Variants in SHISA7 observed in about 807,000 individuals in gnomAD.
SHISA7 encodes protein shisa-7.
In SHISA7, 6 loss-of-function variants were observed where a neutral mutation model predicts 23.9. That is an observed-to-expected ratio of 0.25 (90% CI 0.14 to 0.50). The LOEUF (loss-of-function observed/expected upper bound fraction) is 0.50. SHISA7 is among the 20% of genes least tolerant of loss of function. The pLI is 0.98. For synonymous variants in SHISA7, 386 were observed against 398.3 expected (o/e 0.97, Z 0.37); for missense variants, 671 against 801.1 (o/e 0.84, Z 1.96).
chr19:55,438,002 T>C (rs530279915), intron 2 of SHISA7, among the ~76,000 whole-genome samples: 763 of 59,774 alleles, frequency 0.013, 8 homozygotes, highest in Middle Eastern at 0.12. Context: ...CGTCCAGGCC[T>C]GCAGCCCCTC....
Position 55,442,776 on chromosome 19 carries a change from C to G in SHISA7, c.88G>C (p.Ala30Pro). The change falls in exon 1 of 4, where the codon GCG (alanine) becomes CCG (proline). Residue 30 changes from alanine (A) to proline (P), a missense_variant. This residue lies in a region of SHISA7 where 96 missense variants were observed against 113.1 expected (regional missense o/e 0.85). Transcript: ENST00000376325. The stretch of plus-strand genomic sequence containing the variant: ...GCCAGCAGGGCGGGCAGCGGGCCCG[C>G]GGGCTCGGCGCTCGTGGCGTTGGAC... ...RPSNATSAEP[A>P]GPLPALLAHL... 8.2e-7 allele frequency: 1 copy of G among 1,225,470 alleles called. No individual in the cohort carries two copies. Among genetic ancestry groups the G allele is most frequent in the Non-Finnish European group, 1.0e-6 (1 of 983,098 alleles). The allele number at this position is 1,225,470 out of a possible 1,614,324, so 75.9% of individuals were successfully genotyped here.
chr19:55,431,379 A>C lies in SHISA7; in HGVS notation c.*1777T>G, dbSNP rs1223122945. ...CTGGAAGGTAATGTCATCACTGGTCATGGTGGAATCTAGGAGATGATGACA... is the reference window on the plus strand; with the variant it reads ...CTGGAAGGTAATGTCATCACTGGTCCTGGTGGAATCTAGGAGATGATGACA... On this transcript the variant is annotated 3_prime_UTR_variant, in exon 4 of 4. Coordinates refer to ENST00000376325, the MANE Select transcript of SHISA7 (RefSeq NM_001145176.2). 1 of 151,952 alleles carries C rather than the reference A, an allele frequency of 6.6e-6. No homozygotes were observed. The highest frequency in any genetic ancestry group is 2.4e-5 in the African/African-American group (1 of 41,318). 9.4% of individuals were successfully genotyped at this position (151,952 alleles called of 1,614,324 possible).
At position 55,437,590 on chromosome 19, in the gene SHISA7, C is replaced by T; in HGVS notation, c.976+15G>A. On this transcript the variant is annotated intron_variant, in intron 3 of 3. Transcript: ENST00000376325. ...CCCTCCCCTTCACCGCCGCGCTGCC[C>T]TTGCCAGGACTCACCCAGCCTCTTG... The T allele has an allele frequency of 1.3e-6, 2 of 1,549,824 alleles. No homozygotes were observed. The highest frequency in any genetic ancestry group is 1.7e-6 in the Non-Finnish European group (2 of 1,146,012).
intron 3 of SHISA7, among the ~76,000 whole-genome samples, chr19:55,435,049 GTGGTGTGTGTGTAGTGTGTA>G (rs1985392806): frequency 1.3e-5 from 1 of 74,554 alleles, no homozygotes; most frequent in African/African-American, 5.2e-5. Flanking sequence ...TGGTGTGTGT[GTGGTGTGTGTGTAGTGTGTA>G]TGGTGTGTGT....
intron 2 of SHISA7, chr19:55,438,546 G>A (rs1227686714): frequency 7.7e-7 from 1 of 1,304,214 alleles, no homozygotes; most frequent in South Asian, 1.2e-5. Flanking sequence ...TCCGCAGCCG[G>A]GCCCTCTTCC....
intron 2 of SHISA7, chr19:55,438,466 C>T: frequency 8.8e-7 from 1 of 1,142,520 alleles, no homozygotes. Flanking sequence ...GGGTCTCACT[C>T]CTGCTCTATA....
Position 55,433,741 on chromosome 19 carries a change from G to C in SHISA7, c.1032C>G (p.Arg344=), listed in dbSNP as rs1197831786. 5.5e-6 allele frequency: 8 copies of C among 1,460,386 alleles called. No individual in the cohort carries two copies. Among genetic ancestry groups the C allele is most frequent in the Non-Finnish European group, 7.2e-6 (8 of 1,115,976 alleles). The allele number at this position is 1,460,386 out of a possible 1,614,324, so 90.5% of individuals were successfully genotyped here. A position where few individuals can be genotyped will look rare whatever the true frequency, so the allele number is the denominator to read the frequency against. ...YLKRRPLELP[R]GTLPLHALRR... The stretch of plus-strand genomic sequence containing the variant: ...GCAGCGCGTGCAGGGGCAGCGTGCC[G>C]CGGGGCAATTCCAGGGGCCGGCGCT... The change falls in exon 4 of 4, where the codon CGC becomes CGG. Residue 344 remains arginine, a synonymous_variant. Transcript: ENST00000376325. The surrounding 1 kb of genome is among the most constrained non-coding windows in gnomAD (Gnocchi z 8.4).
In SHISA7 at chr19:55,440,801, G is replaced by A. The variant is rs185865223; in HGVS notation, c.672-36C>T. 2,111 of 1,236,330 alleles carry A rather than the reference G, an allele frequency of 1.7e-3. 3 individuals carry two copies. Among genetic ancestry groups the A allele is most frequent in the Non-Finnish European group, 1.7e-3 (1,689 of 987,978 alleles). The allele number at this position is 1,236,330 out of a possible 1,614,324, so 76.6% of individuals were successfully genotyped here. A position where few individuals can be genotyped will look rare whatever the true frequency, so the allele number is the denominator to read the frequency against. On this transcript the variant is annotated intron_variant, in intron 1 of 3. Coordinates refer to ENST00000376325, the MANE Select transcript of SHISA7 (RefSeq NM_001145176.2). ...CAGAGAGGTGGTCAAAGGCCTGGGG[G>A]CTGAGGGTGGCAGGGGTACCAGGAA... is the stretch of plus-strand genomic sequence containing the variant.
chr19:55,438,709 T>C, intron 2 of SHISA7: 1 of 1,177,426 alleles, frequency 8.5e-7, no homozygotes, highest in Non-Finnish European at 1.1e-6. Flanking sequence ...TGGGAAGGAC[T>C]CTGGCCCCAA....
chr19:55,442,699 G>T lies in SHISA7; in HGVS notation c.165C>A (p.Ser55Arg). The change falls in exon 1 of 4, where the codon AGC becomes AGA. Residue 55 changes from serine (S) to arginine (R), a missense_variant. By Grantham distance (110) the Ser-to-Arg change is moderately radical. Coordinates refer to ENST00000376325, the MANE Select transcript of SHISA7 (RefSeq NM_001145176.2). ...GALTGGGGAA[S>R]PGANGTRTGP... Reference sequence around the variant, plus strand: ...CGGTCCTGGTGCCGTTGGCGCCTGGGCTCGCCGCGCCCCCGCCGCCCGTCA... The same window carrying T: ...CGGTCCTGGTGCCGTTGGCGCCTGGTCTCGCCGCGCCCCCGCCGCCCGTCA... 9.8e-7 allele frequency: 1 copy of T among 1,025,636 alleles called. No homozygotes were observed. The highest frequency in any genetic ancestry group is 1.2e-6 in the Non-Finnish European group (1 of 858,256). 63.5% of individuals were successfully genotyped at this position (1,025,636 alleles called of 1,614,324 possible).
Position 55,430,844 on chromosome 19 carries a change from G to C in SHISA7, c.*2312C>G, listed in dbSNP as rs1384582731. On this transcript the variant is annotated 3_prime_UTR_variant, in exon 4 of 4. Transcript: ENST00000376325. ...GACACCAGGGTTATGGTGGATACTA[G>C]TGGATGGTGACAGACAGCACTGGAC... 6.7e-6 allele frequency: 1 copy of C among 149,524 alleles called. No individual in the cohort carries two copies. The highest frequency in any genetic ancestry group is 1.5e-5 in the Non-Finnish European group (1 of 67,800). The allele number at this position is 149,524 out of a possible 1,614,324, so 9.3% of individuals were successfully genotyped here.
chr19:55,440,082 T>C (rs945174246), intron 2 of SHISA7, among the ~76,000 whole-genome samples: 1 of 152,058 alleles, frequency 6.6e-6, no homozygotes, highest in Non-Finnish European at 1.5e-5. Flanking sequence ...TATTTTTTTC[T>C]GTGTTACACA....
intron 3 of SHISA7, among the ~76,000 whole-genome samples, chr19:55,435,351 A>G (rs75917286): frequency 0.45 from 35,222 of 78,790 alleles, 5,894 homozygotes; most frequent in East Asian, 0.79. Flanking sequence ...TATGGTGTGT[A>G]TGGTGTGTGT....
chr19:55,435,091 T>TGTGTGTG (rs1985400826), intron 3 of SHISA7, among the ~76,000 whole-genome samples: 1 of 29,910 alleles, frequency 3.3e-5, no homozygotes. Flanking sequence ...GTGTGTGTGG[T>TGTGTGTG]GTGTGTGTAT....
intron 3 of SHISA7, among the ~76,000 whole-genome samples, chr19:55,436,256 C>T (rs1433712903): frequency 6.6e-6 from 1 of 151,686 alleles, no homozygotes; most frequent in Non-Finnish European, 1.5e-5. Flanking sequence ...CATTGCACTC[C>T]AGCCTGGGCA....
At chr19:55,434,924 GTGTA>G (rs1419250409) in intron 3 of SHISA7, among the ~76,000 whole-genome samples, 1 of 129,456 alleles carries the variant, frequency 7.7e-6, no homozygotes, top group Non-Finnish European at 1.6e-5. Flanking sequence ...TGTGGTGTGT[GTGTA>G]TATGTGGTGT....
chr19:55,435,668 G>A (rs541579054), intron 3 of SHISA7, among the ~76,000 whole-genome samples: 2 of 150,182 alleles, frequency 1.3e-5, no homozygotes, highest in Non-Finnish European at 3.0e-5. Context: ...GGAGGCTGAC[G>A]TCGGAGGATT....
intron 1 of SHISA7, among the ~76,000 whole-genome samples, chr19:55,441,526 C>T (rs1053584672): frequency 1.3e-5 from 2 of 152,240 alleles, no homozygotes; most frequent in Non-Finnish European, 2.9e-5. Context: ...AACCTCTCGC[C>T]CACAGATCTC....
rs556770070 is a variant in SHISA7 at position 55,432,010 on chromosome 19, A to G, written c.*1146T>C. 2.0e-4 allele frequency: 30 copies of G among 152,446 alleles called. No homozygotes were observed. The highest frequency in any genetic ancestry group is 7.0e-4 in the African/African-American group (29 of 41,566). 9.4% of individuals were successfully genotyped at this position (152,446 alleles called of 1,614,324 possible). On this transcript the variant is annotated 3_prime_UTR_variant, in exon 4 of 4. Coordinates refer to ENST00000376325, the MANE Select transcript of SHISA7 (RefSeq NM_001145176.2). This position sits in a 1 kb window ranked among gnomAD's most constrained non-coding sequence, Gnocchi z 4.6. ...GGGACAAGGCAGTAACTCTGGTGAC[A>G]CCACCAATACCGATGGCCTTCCAGA...
Sources: allele counts gnomAD v4.1 joint callset (sites outside exome capture counted in the v4.1 genomes callset), GRCh38; gene constraint gnomAD v4.1.1; regional missense constraint gnomAD v4.1.1; non-coding constraint Gnocchi (gnomAD v3.1); transcripts MANE v1.5; gene names NCBI Gene and HGNC (gene_info 2026-07-23, HGNC 2026-07-21).